CCDC148: variants seen among roughly 807,000 people sequenced by gnomAD.
CCDC148 encodes coiled-coil domain containing 148.
A neutral mutation model predicts 85.7 loss-of-function variants in CCDC148; 89 were observed. The observed-to-expected ratio is 1.04, with a 90% CI of 0.87 to 1.24. CCDC148 has a LOEUF of 1.24. Ranked by LOEUF, CCDC148 falls within the 50% of genes most tolerant of loss-of-function variation. The probability of loss-of-function intolerance (pLI) is 0.00; values close to 1 mark genes in which losing one functional copy is unlikely to be tolerated. For synonymous variants in CCDC148, 230 were observed against 213.9 expected, an observed-to-expected ratio of 1.08 and a Z score of -0.66; for missense variants, 692 against 671.7, an observed-to-expected ratio of 1.03 and a Z score of -0.33.
rs564334000 is a variant in CCDC148, at chr2:158,437,592, C to A, written c.25+18823G>T. Among the ~76,000 whole-genome samples, 1,436 of 152,196 alleles carry A rather than the reference C, an allele frequency of 9.4e-3. 18 individuals carry two copies. Among genetic ancestry groups the A allele is most frequent in the Non-Finnish European group, 0.016 (1,056 of 68,000 alleles). On this transcript the variant is annotated intron_variant, in intron 1 of 13. Transcript: ENST00000283233. ...CAAGACAGGGATGCCCTCTCTCACC[C>A]CTCCTATTCAACATAGTGTTGGAAG... is the stretch of plus-strand genomic sequence containing the variant.
chr2:158,310,879 G>A (rs1487432264), intron 8 of CCDC148, among the ~76,000 whole-genome samples: 2 of 150,730 alleles, frequency 1.3e-5, no homozygotes, highest in African/African-American at 2.4e-5. Context: ...CCCAGACTGG[G>A]TGGCCGGGCA....
chr2:158,248,589 T>C (rs56052607), intron 10 of CCDC148, among the ~76,000 whole-genome samples: 12,679 of 152,132 alleles, frequency 0.083, 613 homozygotes, highest in Middle Eastern at 0.13. Flanking sequence ...TATAGTATGT[T>C]TTACTATAAA....
At chr2:158,288,487 C>T (rs922576719) in intron 9 of CCDC148, 1 of 152,716 alleles carries the variant, frequency 6.5e-6, no homozygotes, top group Non-Finnish European at 1.5e-5. Context: ...TTATCTCTCT[C>T]AAGTTCAAAG....
intron 13 of CCDC148, 41 bp from the exon 14 acceptor site, chr2:158,172,300 A>G (rs764113966): frequency 1.4e-6 from 2 of 1,433,616 alleles, no homozygotes; most frequent in South Asian, 2.6e-5. Context: ...AATTCATTGA[A>G]CTAAAATAAC....
chr2:158,365,982 T>C lies in CCDC148; in HGVS notation c.26-7412A>G, dbSNP rs1270230738. 6.4e-6 allele frequency: 9 copies of C among 1,414,690 alleles called. No homozygotes were observed. In the South Asian group the frequency reaches 1.2e-4, roughly 19 times the overall value. 87.6% of individuals were successfully genotyped at this position (1,414,690 alleles called of 1,614,324 possible). A position where few individuals can be genotyped will look rare whatever the true frequency, so the allele number is the denominator to read the frequency against. On this transcript the variant is annotated intron_variant, in intron 1 of 13. Coordinates refer to ENST00000283233, the MANE Select transcript of CCDC148 (RefSeq NM_138803.4). ...TCAAAAGTACATAATCCACTGTAAA[T>C]AATAAAACAGAGTTGGAAGTAAGAA...
chr2:158,282,282 AT>A (rs1447887740), intron 9 of CCDC148, among the ~76,000 whole-genome samples: 1 of 152,188 alleles, frequency 6.6e-6, no homozygotes, highest in Non-Finnish European at 1.5e-5. Context: ...GGCCAGGGCA[AT>A]CAGGCAGAAG....
intron 9 of CCDC148, among the ~76,000 whole-genome samples, chr2:158,260,508 C>G (rs1689176131): frequency 6.6e-6 from 1 of 151,938 alleles, no homozygotes; most frequent in Non-Finnish European, 1.5e-5. Context: ...GAAGTCCTAG[C>G]CAGAACAATA....
intron 7 of CCDC148, among the ~76,000 whole-genome samples, chr2:158,318,596 G>T (rs1692387615): frequency 6.6e-6 from 1 of 151,292 alleles, no homozygotes; most frequent in Non-Finnish European, 1.5e-5. Context: ...TTTTTTTAGA[G>T]AAGTTTACAT....
At chr2:158,396,524 C>T (rs1380306435) in intron 1 of CCDC148, among the ~76,000 whole-genome samples, 1 of 152,044 alleles carries the variant, frequency 6.6e-6, no homozygotes, top group East Asian at 1.9e-4. Context: ...GCCCCAAGAG[C>T]CAATTAATGT....
chr2:158,196,176 A>G (rs959708319), intron 11 of CCDC148, among the ~76,000 whole-genome samples: 1 of 152,186 alleles, frequency 6.6e-6, no homozygotes, highest in African/African-American at 2.4e-5. Context: ...AATCAATTAT[A>G]TTAAAAACAA....
chr2:158,422,366 T>C (rs4558541), intron 1 of CCDC148, among the ~76,000 whole-genome samples: 25,312 of 150,848 alleles, frequency 0.17, 2,266 homozygotes, highest in Middle Eastern at 0.22. Flanking sequence ...GAATCCAGCA[T>C]ATCAAAAAGC....
chr2:158,193,906 G>C (rs1371129423), intron 11 of CCDC148, among the ~76,000 whole-genome samples: 1 of 122,490 alleles, frequency 8.2e-6, no homozygotes, highest in African/African-American at 3.3e-5. Flanking sequence ...CCCCTTCTGT[G>C]TCCCAATGTA....
At chr2:158,417,785 T>C (rs1218310318) in intron 1 of CCDC148, among the ~76,000 whole-genome samples, 2 of 152,206 alleles carry the variant, frequency 1.3e-5, no homozygotes, top group African/African-American at 4.8e-5. Context: ...TAAAACATTG[T>C]GCATTTTTTC....
chr2:158,313,278 A>G (rs1050745138), intron 8 of CCDC148, among the ~76,000 whole-genome samples: 2 of 152,198 alleles, frequency 1.3e-5, no homozygotes, highest in Non-Finnish European at 2.9e-5. Flanking sequence ...TAGGAGGATC[A>G]AGCAGAGTTG....
At chr2:158,365,950 T>C in intron 1 of CCDC148, 2 of 1,145,312 alleles carry the variant, frequency 1.7e-6, no homozygotes, top group African/African-American at 1.6e-5. Context: ...TCCAATTGTG[T>C]ATCATTTCAA....
intron 2 of CCDC148, among the ~76,000 whole-genome samples, chr2:158,355,583 T>G (rs1236803796): frequency 7.6e-6 from 1 of 132,440 alleles, no homozygotes; most frequent in Non-Finnish European, 1.6e-5. Flanking sequence ...TAAAAGAGGA[T>G]ACAAACAAAT....
chr2:158,429,749 G>A (rs545387240), intron 1 of CCDC148, among the ~76,000 whole-genome samples: 2 of 152,132 alleles, frequency 1.3e-5, no homozygotes, highest in Non-Finnish European at 2.9e-5. Context: ...CTAGAAAACT[G>A]GACAAAATAT....
chr2:158,258,340 T>G (rs946474376), intron 9 of CCDC148, among the ~76,000 whole-genome samples: 4 of 151,756 alleles, frequency 2.6e-5, no homozygotes, highest in African/African-American at 9.7e-5. Flanking sequence ...AAGACCAACG[T>G]TTTTATGTCA....
intron 1 of CCDC148, among the ~76,000 whole-genome samples, chr2:158,388,445 A>C (rs1372867741): frequency 6.6e-6 from 1 of 152,052 alleles, no homozygotes; most frequent in East Asian, 1.9e-4. Flanking sequence ...ACCCTTGGCA[A>C]GTTCCTTAGC....
Sources: allele counts gnomAD v4.1 joint callset (sites outside exome capture counted in the v4.1 genomes callset), GRCh38; gene constraint gnomAD v4.1.1; transcripts MANE v1.5; gene names NCBI Gene and HGNC (gene_info 2026-07-23, HGNC 2026-07-21).